Variants in BRIP1 observed in about 807,000 individuals in gnomAD.
The protein encoded by BRIP1 is Fanconi anemia group J protein.
BRIP1 carries 88 observed loss-of-function variants against 119.7 expected under a neutral mutation model. The ratio of observed to expected loss-of-function variants is 0.74; its 90% CI spans 0.62 to 0.88. BRIP1 has a LOEUF of 0.88. BRIP1 is among the 40% of genes least tolerant of loss of function. The pLI is 0.00. For synonymous variants in BRIP1, 443 were observed against 496.5 expected (o/e 0.89, Z 1.43); for missense variants, 1,259 against 1,455.4 (o/e 0.87, Z 2.20).
Position 61,713,980 on chromosome 17 carries a change from A to T in BRIP1, c.2492+1971T>A, listed in dbSNP as rs1321013966. ...TGTTGTAAAAGAGTCAAAAAGGTAA[A>T]AAAAAAGATAAAAAGATAAAAAGTT... On this transcript the variant is annotated intron_variant, in intron 17 of 19. Coordinates refer to ENST00000259008, the MANE Select transcript of BRIP1 (RefSeq NM_032043.3). The surrounding 1 kb of genome is among the most constrained non-coding windows in gnomAD (Gnocchi z 4.9). Among the ~76,000 whole-genome samples, 1 of 152,012 alleles carries T rather than the reference A, an allele frequency of 6.6e-6. No homozygotes were observed. The highest frequency in any genetic ancestry group is 2.4e-5 in the African/African-American group (1 of 41,424).
At position 61,701,722 on chromosome 17, in the gene BRIP1, C is replaced by T. The variant is rs998718073; in HGVS notation, c.2493-8210G>A. Among the ~76,000 whole-genome samples the T allele has an allele frequency of 6.6e-6, 1 of 152,226 alleles. No homozygotes were observed. The highest frequency in any genetic ancestry group is 1.5e-5 in the Non-Finnish European group (1 of 68,042). ...TCTCTTTACATTTTTTGGCTAGCCT[C>T]TCACTTGCCCCAAATGTCATTCATT... On this transcript the variant is annotated intron_variant, in intron 17 of 19. Transcript: ENST00000259008. This position sits in a 1 kb window ranked among gnomAD's most constrained non-coding sequence, Gnocchi z 5.1.
chr17:61,839,720 ATG>A (rs1289150819), intron 6 of BRIP1, among the ~76,000 whole-genome samples: 8 of 152,308 alleles, frequency 5.3e-5, no homozygotes, highest in African/African-American at 1.9e-4. Flanking sequence ...CTATATCTTA[ATG>A]TTATGAGTAA....
chr17:61,772,071 G>A (rs754966197), intron 14 of BRIP1, among the ~76,000 whole-genome samples: 7 of 149,938 alleles, frequency 4.7e-5, no homozygotes, highest in Non-Finnish European at 7.4e-5. Flanking sequence ...GTACACCAGC[G>A]TTCATAGCAG....
In BRIP1 at chr17:61,705,010, T is replaced by C. The variant is rs2061671578; in HGVS notation, c.2492+10941A>G. Among the ~76,000 whole-genome samples, 1 of 152,144 alleles carries C rather than the reference T, an allele frequency of 6.6e-6. No individual in the cohort carries two copies. The highest frequency in any genetic ancestry group is 2.4e-5 in the African/African-American group (1 of 41,442). On this transcript the variant is annotated intron_variant, in intron 17 of 19. Coordinates refer to ENST00000259008, the MANE Select transcript of BRIP1 (RefSeq NM_032043.3). This position sits in a 1 kb window ranked among gnomAD's most constrained non-coding sequence, Gnocchi z 5.0. ...AAAGGTATATTGCATGATGTTGAGTTTGGAGTACAATTGAACCTGTTACCC... is the reference window on the plus strand; with the variant it reads ...AAAGGTATATTGCATGATGTTGAGTCTGGAGTACAATTGAACCTGTTACCC...
At chr17:61,694,045 G>A (rs908678158) in intron 17 of BRIP1, among the ~76,000 whole-genome samples, 3 of 151,834 alleles carry the variant, frequency 2.0e-5, no homozygotes, top group Admixed American at 1.3e-4. Flanking sequence ...TTTATAGATT[G>A]TTGGATTCAA....
chr17:61,749,746 A>T (rs964047313), intron 14 of BRIP1, among the ~76,000 whole-genome samples: 2 of 152,214 alleles, frequency 1.3e-5, no homozygotes, highest in Non-Finnish European at 2.9e-5. Context: ...GTTTCAATAT[A>T]CAAGTCTTTT....
In BRIP1 at chr17:61,744,384, T is replaced by C. The variant is rs1460137386; in HGVS notation, c.2257+48A>G. The C allele has an allele frequency of 3.8e-6, 6 of 1,573,386 alleles. No individual in the cohort carries two copies. In the African/African-American group the frequency reaches 4.1e-5, roughly 11 times the overall value. On this transcript the variant is annotated intron_variant, in intron 15 of 19. Transcript: ENST00000259008. This position sits in a 1 kb window ranked among gnomAD's most constrained non-coding sequence, Gnocchi z 5.0. ...AAATTATAATTGTACCTTCTTACTT[T>C]GTAATAAAAAATATTTTTTCACCGA...
chr17:61,817,605 C>G (rs1311293436), intron 6 of BRIP1, among the ~76,000 whole-genome samples: 1 of 152,214 alleles, frequency 6.6e-6, no homozygotes, highest in Admixed American at 6.5e-5. Flanking sequence ...TATTTGATAT[C>G]TGCACTATTC....
chr17:61,698,315 C>T (rs369451848), intron 17 of BRIP1, among the ~76,000 whole-genome samples: 17 of 151,964 alleles, frequency 1.1e-4, no homozygotes, highest in African/African-American at 3.9e-4. Context: ...TTATTGATTT[C>T]TGGTTTATTT....
Position 61,754,361 on chromosome 17 carries a change from T to C in BRIP1, c.2098-9770A>G, listed in dbSNP as rs1449620371. On this transcript the variant is annotated intron_variant, in intron 14 of 19. Transcript: ENST00000259008. This position sits in a 1 kb window ranked among gnomAD's most constrained non-coding sequence, Gnocchi z 4.1. ...ATTCTTCCCCCTAAATCAGAATGGT[T>C]TGCTTCCTCTCTTCCTTTACACTTT... Among the ~76,000 whole-genome samples the C allele has an allele frequency of 6.6e-6, 1 of 152,168 alleles. No individual in the cohort carries two copies. The highest frequency in any genetic ancestry group is 1.5e-5 in the Non-Finnish European group (1 of 68,034).
rs1240146600 is a variant in BRIP1, at chr17:61,851,314, C to A, written c.380-2058G>T. ...ACTTCCCTGATCCACTTTCCCCCTT[C>A]CCTTATGAGTCATGTTTCTTTCTTT... On this transcript the variant is annotated intron_variant, in intron 4 of 19. Coordinates refer to ENST00000259008, the MANE Select transcript of BRIP1 (RefSeq NM_032043.3). The surrounding 1 kb of genome is among the most constrained non-coding windows in gnomAD (Gnocchi z 4.6). Among the ~76,000 whole-genome samples the A allele has an allele frequency of 6.6e-6, 1 of 152,184 alleles. No individual in the cohort carries two copies. Among genetic ancestry groups the A allele is most frequent in the Non-Finnish European group, 1.5e-5 (1 of 68,032 alleles).
chr17:61,849,894 T>C (rs2078792049), intron 4 of BRIP1, among the ~76,000 whole-genome samples: 1 of 152,216 alleles, frequency 6.6e-6, no homozygotes, highest in Non-Finnish European at 1.5e-5. Context: ...CTCTTAGGCA[T>C]ACAGCCAACA....
intron 10 of BRIP1, among the ~76,000 whole-genome samples, chr17:61,787,222 A>G (rs1228325804): frequency 4.4e-5 from 3 of 67,824 alleles, no homozygotes; most frequent in African/African-American, 1.3e-4. Context: ...AATATATTAT[A>G]TACTATATAA....
At chr17:61,721,825 G>T (rs1054988930) in intron 16 of BRIP1, among the ~76,000 whole-genome samples, 1 of 148,376 alleles carries the variant, frequency 6.7e-6, no homozygotes. Context: ...AGCCTCCCAC[G>T]TAGCTGGGAT....
At chr17:61,766,765 T>C (rs1270282058) in intron 14 of BRIP1, among the ~76,000 whole-genome samples, 1 of 152,122 alleles carries the variant, frequency 6.6e-6, no homozygotes, top group Non-Finnish European at 1.5e-5. Flanking sequence ...CTCATAAAGA[T>C]GTATTTTTTT....
Position 61,799,987 on chromosome 17 carries a change from G to T in BRIP1, c.1141-688C>A, listed in dbSNP as rs1228493967. 6.6e-6 allele frequency among the ~76,000 whole-genome samples: 1 copy of T among 152,072 alleles called. No individual in the cohort carries two copies. Among genetic ancestry groups the T allele is most frequent in the Non-Finnish European group, 1.5e-5 (1 of 68,006 alleles). On this transcript the variant is annotated intron_variant, in intron 8 of 19. Transcript: ENST00000259008. This position sits in a 1 kb window ranked among gnomAD's most constrained non-coding sequence, Gnocchi z 5.1. ...TATTCCATCCTTCTGTGGTCACAGT[G>T]ACTGGTTCAGGTTCAGGAACAGACA...
rs1238789168 is a variant in BRIP1, at chr17:61,853,479, T to C, written c.379+3579A>G. On this transcript the variant is annotated intron_variant, in intron 4 of 19. Coordinates refer to ENST00000259008, the MANE Select transcript of BRIP1 (RefSeq NM_032043.3). This position sits in a 1 kb window ranked among gnomAD's most constrained non-coding sequence, Gnocchi z 4.3. ...CATTTTTCTATATTTAGGTTACAGA[T>C]TAAAGGATTTACTTACAAATATAAA... Among the ~76,000 whole-genome samples the C allele has an allele frequency of 6.6e-6, 1 of 152,166 alleles. No individual in the cohort carries two copies. The highest frequency in any genetic ancestry group is 1.5e-5 in the Non-Finnish European group (1 of 68,022).
rs762590242 is a variant in BRIP1 at position 61,744,582 on chromosome 17, T to G, written c.2107A>C (p.Lys703Gln). Residue 703 changes from lysine (K) to glutamine (Q), a missense_variant, in exon 15 of 20, where the codon AAA becomes CAA. By Grantham distance (53) the Lys-to-Gln change is moderately conservative (BLOSUM62 1). Around this residue, in one of 3 missense-constraint regions of BRIP1, gnomAD observed 753 missense variants for 891.8 expected, o/e 0.84. Coordinates refer to ENST00000259008, the MANE Select transcript of BRIP1 (RefSeq NM_032043.3). This position sits in a 1 kb window ranked among gnomAD's most constrained non-coding sequence, Gnocchi z 5.0. ...GTAGAGAGCCAACGTTCTTTTAATT[T>G]TTCTAATAACTAAAGAGGGGAAAGA... ...CFLPSYKLLE[K>Q]LKERWLSTGL... 1.9e-6 allele frequency: 3 copies of G among 1,613,248 alleles called. No homozygotes were observed. The South Asian group carries it at 3.3e-5, about 18-fold the overall frequency.
rs1047869188 is a variant in BRIP1, at chr17:61,739,780, A to C, written c.2379+3233T>G. Among the ~76,000 whole-genome samples the C allele has an allele frequency of 2.0e-5, 3 of 152,108 alleles. No individual in the cohort carries two copies. The highest frequency in any genetic ancestry group is 7.2e-5 in the African/African-American group (3 of 41,428). On this transcript the variant is annotated intron_variant, in intron 16 of 19. Transcript: ENST00000259008. The surrounding 1 kb of genome is among the most constrained non-coding windows in gnomAD (Gnocchi z 6.0). ...CAGCTCAGTGGTCAGAAAATCTCAA[A>C]TTTTCTCAGATTGCCAGCACTTTCA... is the stretch of plus-strand genomic sequence containing the variant.
Sources: allele counts gnomAD v4.1 joint callset (sites outside exome capture counted in the v4.1 genomes callset), GRCh38; gene constraint gnomAD v4.1.1; regional missense constraint gnomAD v4.1.1; non-coding constraint Gnocchi (gnomAD v3.1); transcripts MANE v1.5; gene names NCBI Gene and HGNC (gene_info 2026-07-23, HGNC 2026-07-21).